DCC: variants seen among roughly 807,000 people sequenced by gnomAD.
DCC encodes the protein DCC netrin 1 receptor, also known as netrin receptor DCC.
In DCC, 58 loss-of-function variants were observed where a neutral mutation model predicts 172.5. That is an observed-to-expected ratio of 0.34 (90% CI 0.27 to 0.42). DCC has a LOEUF of 0.42. Among genes scored for constraint, DCC ranks in the 10% least tolerant of loss-of-function variants. DCC has a pLI of 1.00. For synonymous variants in DCC, 709 were observed against 644.5 expected (o/e 1.10, Z -1.52); for missense variants, 1,740 against 1,791.0 (o/e 0.97, Z 0.51).
At chr18:52,485,658 T>G (rs57464233) in intron 1 of DCC, among the ~76,000 whole-genome samples, 11,281 of 152,106 alleles carry the variant, frequency 0.074, 529 homozygotes, top group Admixed American at 0.1. Flanking sequence ...GTATTATGAG[T>G]GTTTCATTTG....
chr18:52,762,346 T>C (rs1015585338), intron 2 of DCC, among the ~76,000 whole-genome samples: 5 of 151,972 alleles, frequency 3.3e-5, no homozygotes, highest in African/African-American at 1.2e-4. Context: ...TGGTGGTGCA[T>C]GCCTGTAGTC....
intron 1 of DCC, among the ~76,000 whole-genome samples, chr18:52,722,761 G>T (rs1474786788): frequency 1.3e-5 from 2 of 152,074 alleles, no homozygotes; most frequent in African/African-American, 2.4e-5. Context: ...GTCACTAAGG[G>T]TCTCCTTTCA....
chr18:52,653,248 C>T (rs1321066167), intron 1 of DCC, among the ~76,000 whole-genome samples: 2 of 152,096 alleles, frequency 1.3e-5, no homozygotes, highest in African/African-American at 2.4e-5. Context: ...ATTTGTAACT[C>T]TGACTCAAAA....
chr18:53,059,769 T>C (rs1412214528), intron 5 of DCC, among the ~76,000 whole-genome samples: 5 of 152,150 alleles, frequency 3.3e-5, no homozygotes, highest in Admixed American at 1.3e-4. Flanking sequence ...CCGAACTTCT[T>C]CTACTCATCT....
chr18:53,387,283 G>C (rs1908231851), intron 16 of DCC, among the ~76,000 whole-genome samples: 1 of 152,128 alleles, frequency 6.6e-6, no homozygotes, highest in Admixed American at 6.5e-5. Context: ...ATTCATAATT[G>C]TTATGTCATG....
At chr18:53,312,948 A>AG (rs2057294664) in intron 13 of DCC, among the ~76,000 whole-genome samples, 1 of 60,098 alleles carries the variant, frequency 1.7e-5, no homozygotes, top group African/African-American at 6.6e-5. Context: ...AAGGGAGGGG[A>AG]GGGAAGGGAG....
At chr18:53,444,232 T>G (rs78323270) in intron 22 of DCC, among the ~76,000 whole-genome samples, 4,688 of 152,286 alleles carry the variant, frequency 0.031, 262 homozygotes, top group African/African-American at 0.11. Flanking sequence ...CAAACTTTAT[T>G]GTTTTCTTAT....
At chr18:53,079,216 G>T (rs1046096237) in intron 7 of DCC, among the ~76,000 whole-genome samples, 1 of 152,120 alleles carries the variant, frequency 6.6e-6, no homozygotes, top group African/African-American at 2.4e-5. Context: ...GAAGAGAATT[G>T]GTAGCCTATA....
At chr18:52,697,281 C>T (rs1214325066) in intron 1 of DCC, among the ~76,000 whole-genome samples, 61 of 152,328 alleles carry the variant, frequency 4.0e-4, no homozygotes, top group East Asian at 3.9e-4. Flanking sequence ...CACATACACA[C>T]ACATGCAATG....
At chr18:53,448,696 A>G (rs1184389435) in intron 22 of DCC, among the ~76,000 whole-genome samples, 1 of 152,194 alleles carries the variant, frequency 6.6e-6, no homozygotes, top group Non-Finnish European at 1.5e-5. Flanking sequence ...CGTCTCTACT[A>G]AAAATACAAA....
intron 2 of DCC, among the ~76,000 whole-genome samples, chr18:52,900,363 T>C (rs1414334599): frequency 1.3e-5 from 2 of 152,210 alleles, no homozygotes; most frequent in Non-Finnish European, 2.9e-5. Context: ...AAATTAGTGT[T>C]ACAGAACAAT....
chr18:52,448,008 T>C (rs1434861881), intron 1 of DCC, among the ~76,000 whole-genome samples: 1 of 151,688 alleles, frequency 6.6e-6, no homozygotes, highest in Non-Finnish European at 1.5e-5. Context: ...TGGAGAATGG[T>C]GAGATATTCT....
chr18:53,112,548 A>C (rs541974321), intron 7 of DCC, among the ~76,000 whole-genome samples: 1 of 151,516 alleles, frequency 6.6e-6, no homozygotes, highest in Non-Finnish European at 1.5e-5. Flanking sequence ...CAGTGATCAA[A>C]TTATGGGTGT....
At chr18:52,664,670 A>G (rs2035431244) in intron 1 of DCC, among the ~76,000 whole-genome samples, 1 of 151,352 alleles carries the variant, frequency 6.6e-6, no homozygotes, top group Non-Finnish European at 1.5e-5. Context: ...ACGGGGTTTC[A>G]CCGTGTTAGC....
At chr18:52,905,992 T>G in intron 2 of DCC, 52 bp from the exon 3 acceptor site, 8 of 1,153,822 alleles carry the variant, frequency 6.9e-6, no homozygotes, top group Non-Finnish European at 9.2e-6. Flanking sequence ...TTATTGGCGA[T>G]TATTGTGCTT....
chr18:53,149,348 T>G (rs749456396), intron 7 of DCC, among the ~76,000 whole-genome samples: 4 of 152,192 alleles, frequency 2.6e-5, no homozygotes, highest in Non-Finnish European at 4.4e-5. Context: ...TCATTATCAC[T>G]TAACAACTCT....
chr18:52,912,622 T>C (rs2039986916), intron 3 of DCC, among the ~76,000 whole-genome samples: 1 of 152,068 alleles, frequency 6.6e-6, no homozygotes, highest in African/African-American at 2.4e-5. Context: ...CTGTATGATA[T>C]GGTATAAGAG....
At position 53,044,859 on chromosome 18, in the gene DCC, A is replaced by G. The variant is rs574119866; in HGVS notation, c.986-18446A>G. Among the ~76,000 whole-genome samples the G allele has an allele frequency of 1.7e-3, 258 of 151,980 alleles. 1 individual carries two copies. The highest frequency in any genetic ancestry group is 6.8e-3 in the Middle Eastern group (2 of 294). On this transcript the variant is annotated intron_variant, in intron 5 of 28. Transcript: ENST00000442544. ...TTACATTTTTGTTAAAGGCATGTCA[A>G]CGAGTGCAAAAACATTCAAGGGCAT...
chr18:53,290,563 A>G (rs2056990524), intron 12 of DCC, among the ~76,000 whole-genome samples: 1 of 152,126 alleles, frequency 6.6e-6, no homozygotes, highest in Admixed American at 6.6e-5. Context: ...TGCTGGTTTC[A>G]GAGATTAATT....
Sources: gnomAD v4.1 joint callset for allele counts (sites outside exome capture counted in the v4.1 genomes callset) on GRCh38, gnomAD v4.1.1 for gene constraint, MANE v1.5 for transcripts, NCBI Gene and HGNC (gene_info 2026-07-23, HGNC 2026-07-21) for gene names.